Variants in NUP35 observed in about 807,000 individuals in gnomAD.
NUP35 encodes nucleoporin 35.
A neutral mutation model predicts 41.5 loss-of-function variants in NUP35; 25 were observed. The observed-to-expected ratio is 0.60, with a 90% CI of 0.44 to 0.84. The LOEUF (loss-of-function observed/expected upper bound fraction) is 0.84, where lower values mean the gene tolerates loss of function less well. Among genes scored for constraint, NUP35 ranks in the 40% least tolerant of loss-of-function variants. The pLI is 0.00. For missense variants in NUP35, 396 were observed against 396.6 expected (o/e 1.00, Z 0.01); for synonymous variants, 149 against 130.7 (o/e 1.14, Z -0.96).
rs988421920 is a variant in NUP35 at position 183,157,364 on chromosome 2, T to G, written c.540-80T>G. On this transcript the variant is annotated intron_variant, in intron 5 of 8. Coordinates refer to ENST00000295119, the MANE Select transcript of NUP35 (RefSeq NM_138285.5). The stretch of plus-strand genomic sequence containing the variant: ...TCTAGACAGTTGGGGGCCATTTATC[T>G]TGAAACATTATCTTGTAGTAATTTG... The G allele has an allele frequency of 2.8e-6, 3 of 1,067,938 alleles. No homozygotes were observed. The African/African-American group carries it at 4.7e-5, about 17-fold the overall frequency. 66.2% of individuals were successfully genotyped at this position (1,067,938 alleles called of 1,614,324 possible). A position where few individuals can be genotyped will look rare whatever the true frequency, so the allele number is the denominator to read the frequency against.
chr2:183,122,757 C>G (rs933127996), upstream of NUP35, among the ~76,000 whole-genome samples: 6 of 152,152 alleles, frequency 3.9e-5, no homozygotes, highest in African/African-American at 1.2e-4. Flanking sequence ...CATCTAGCCT[C>G]AATGTGTGTA....
At chr2:183,117,722 T>C (rs1026821325) in intron 1 of NUP35, 1 of 152,208 alleles carries the variant, frequency 6.6e-6, no homozygotes, top group Non-Finnish European at 1.5e-5. Flanking sequence ...AACAAGTTGA[T>C]TTTGTATTTA....
intron 6 of NUP35, among the ~76,000 whole-genome samples, chr2:183,157,983 A>G (rs1185129011): frequency 2.0e-5 from 3 of 152,238 alleles, no homozygotes; most frequent in African/African-American, 7.2e-5. Context: ...ACTCCTATAC[A>G]AAATCAAATT....
Position 183,157,470 on chromosome 2 carries a change from T to A in NUP35, c.566T>A (p.Ile189Lys). ...FGFPQASASY[I>K]LLQFAQYGNI... ...TTTCCTCAAGCATCTGCTTCCTACATATTACTACAATTTGCACAGTATGGG... is the reference window on the plus strand; with the variant it reads ...TTTCCTCAAGCATCTGCTTCCTACAAATTACTACAATTTGCACAGTATGGG... Residue 189 changes from isoleucine (I) to lysine (K), a missense_variant, in exon 6 of 9, where the codon ATA becomes AAA. Physicochemically the swap from Ile to Lys is moderately radical, Grantham distance 102 (BLOSUM62 -3). Coordinates refer to ENST00000295119, the MANE Select transcript of NUP35 (RefSeq NM_138285.5). The A allele has an allele frequency of 1.2e-6, 2 of 1,612,990 alleles. No individual in the cohort carries two copies. Among genetic ancestry groups the A allele is most frequent in the South Asian group, 1.1e-5 (1 of 91,034 alleles).
rs1424312556 is a variant in NUP35, at chr2:183,130,551, A to G, written c.339+6A>G. 6.2e-7 allele frequency: 1 copy of G among 1,611,966 alleles called. No individual in the cohort carries two copies. Among genetic ancestry groups the G allele is most frequent in the Admixed American group, 1.7e-5 (1 of 59,490 alleles). ...CTTTAACTTCAAGAAGACAGGTAAT[A>G]TAAATACCCTTTTGATCCCCAATGA... On this transcript the variant is annotated splice_donor_region_variant and intron_variant, in intron 3 of 8. Coordinates refer to ENST00000295119, the MANE Select transcript of NUP35 (RefSeq NM_138285.5).
At chr2:183,125,210 A>G (rs1329386361) in intron 1 of NUP35, among the ~76,000 whole-genome samples, 1 of 151,654 alleles carries the variant, frequency 6.6e-6, no homozygotes, top group Non-Finnish European at 1.5e-5. Flanking sequence ...CCCATTATTC[A>G]TTGCGGAGCC....
chr2:183,158,264 A>G lies in NUP35; in HGVS notation c.610-19A>G, dbSNP rs1365708748. On this transcript the variant is annotated intron_variant, in intron 6 of 8. Coordinates refer to ENST00000295119, the MANE Select transcript of NUP35 (RefSeq NM_138285.5). ...TTTTATATATTTTCTATTTTAAGAG[A>G]CAGTTTTATTCTTTGCAGATGTCTA... is the stretch of plus-strand genomic sequence containing the variant. 4.8e-6 allele frequency: 7 copies of G among 1,472,396 alleles called. No individual in the cohort carries two copies. The South Asian group carries it at 7.0e-5, about 15-fold the overall frequency. 91.2% of individuals were successfully genotyped at this position (1,472,396 alleles called of 1,614,324 possible).
At chr2:183,124,077 T>G (rs17524031), upstream of NUP35, among the ~76,000 whole-genome samples, 1,154 of 152,280 alleles carry the variant, frequency 7.6e-3, 48 homozygotes, top group East Asian at 0.11. Context: ...AGCTGACTTT[T>G]CCAGGTGCTA....
At chr2:183,120,779 G>A (rs1700056523), upstream of NUP35, among the ~76,000 whole-genome samples, 1 of 152,146 alleles carries the variant, frequency 6.6e-6, no homozygotes, top group Non-Finnish European at 1.5e-5. Flanking sequence ...TTCTGCTAAT[G>A]CACTATGAAT....
At chr2:183,128,527 T>C (rs967773431) in intron 2 of NUP35, 70 bp downstream of exon 2, 2 of 1,069,520 alleles carry the variant, frequency 1.9e-6, no homozygotes, top group Middle Eastern at 2.9e-4. Context: ...TTGGCTTCCC[T>C]GAACCACATT....
intron 1 of NUP35, chr2:183,119,037 T>C (rs943847394): frequency 1.3e-5 from 2 of 152,228 alleles, no homozygotes; most frequent in African/African-American, 2.4e-5. Context: ...AGATACCAGT[T>C]AAACTCCTCC....
At chr2:183,148,698 A>G (rs1194290940) in intron 4 of NUP35, among the ~76,000 whole-genome samples, 1 of 152,036 alleles carries the variant, frequency 6.6e-6, no homozygotes, top group Non-Finnish European at 1.5e-5. Context: ...AAACTCTGTC[A>G]TTTAGGTTGG....
chr2:183,124,982 C>T (rs1465096146), intron 1 of NUP35, among the ~76,000 whole-genome samples: 1 of 152,038 alleles, frequency 6.6e-6, no homozygotes, highest in Non-Finnish European at 1.5e-5. Context: ...ACTCCTCTCT[C>T]CCGGGCTTTG....
At chr2:183,141,577 A>G (rs1685099036) in intron 4 of NUP35, among the ~76,000 whole-genome samples, 1 of 152,180 alleles carries the variant, frequency 6.6e-6, no homozygotes, top group African/African-American at 2.4e-5. Context: ...AATACTGCTC[A>G]GTGCTGAACC....
upstream of NUP35, among the ~76,000 whole-genome samples, chr2:183,120,445 CAAA>C (rs3029530): frequency 1.5e-4 from 18 of 118,240 alleles, no homozygotes; most frequent in Non-Finnish European, 1.4e-4. Flanking sequence ...GACTCCGTCT[CAAA>C]AAAAAAAAAA....
At chr2:183,151,732 A>G in intron 5 of NUP35, 83 bp downstream of exon 5, 1 of 1,326,816 alleles carries the variant, frequency 7.5e-7, no homozygotes, top group Non-Finnish European at 1.0e-6. Flanking sequence ...AGTAAAATGG[A>G]AAGAAGTGCA....
At chr2:183,157,376 C>G in intron 5 of NUP35, 68 bp from the exon 6 acceptor site, 2 of 1,109,270 alleles carry the variant, frequency 1.8e-6, no homozygotes, top group Non-Finnish European at 2.8e-6. Context: ...GAAACATTAT[C>G]TTGTAGTAAT....
intron 4 of NUP35, among the ~76,000 whole-genome samples, chr2:183,143,046 CTCGGG>C (rs767581246): frequency 6.6e-6 from 1 of 151,358 alleles, no homozygotes; most frequent in Non-Finnish European, 1.5e-5. Flanking sequence ...GTCCCAGCTA[CTCGGG>C]AGGCTGAGGC....
chr2:183,153,582 C>T (rs945047046), intron 5 of NUP35, among the ~76,000 whole-genome samples: 3 of 152,128 alleles, frequency 2.0e-5, no homozygotes, highest in African/African-American at 7.3e-5. Context: ...CTTTGACTTC[C>T]TGGTCTCACA....
Sources: gnomAD v4.1 joint callset for allele counts (sites outside exome capture counted in the v4.1 genomes callset) on GRCh38, gnomAD v4.1.1 for gene constraint, MANE v1.5 for transcripts, NCBI Gene and HGNC (gene_info 2026-07-23, HGNC 2026-07-21) for gene names.